The following PTH1R variants were observed in gnomAD, a reference collection of about 807,000 sequenced individuals.
PTH1R encodes parathyroid hormone/parathyroid hormone-related peptide receptor.
A neutral mutation model predicts 70.7 loss-of-function variants in PTH1R; 32 were observed. The observed-to-expected ratio is 0.45, with a 90% CI of 0.34 to 0.61. The LOEUF is 0.61. Ranked by LOEUF, PTH1R falls within the 20% of genes least tolerant of loss-of-function variation. The pLI, the probability that PTH1R is intolerant of heterozygous loss-of-function variation, is 0.01. For synonymous variants in PTH1R, 329 were observed against 324.8 expected, an observed-to-expected ratio of 1.01 and a Z score of -0.14; for missense variants, 626 against 792.5, an observed-to-expected ratio of 0.79 and a Z score of 2.52.
chr3:46,896,384 A>G lies in PTH1R; in HGVS notation c.313+515A>G, dbSNP rs2031758916. 6.6e-6 allele frequency among the ~76,000 whole-genome samples: 1 copy of G among 152,030 alleles called. No homozygotes were observed. Among genetic ancestry groups the G allele is most frequent in the African/African-American group, 2.4e-5 (1 of 41,398 alleles). On this transcript the variant is annotated intron_variant, in intron 5 of 15. Coordinates refer to ENST00000449590, the MANE Select transcript of PTH1R (RefSeq NM_000316.3). The surrounding 1 kb of genome is among the most constrained non-coding windows in gnomAD (Gnocchi z 4.1). Reference sequence around the variant, plus strand: ...CAGAAATAGAGAAGGAGAGGAGGGCAGTGGCAGAGGGTGGGGCCAGAGGCA... The same window carrying G: ...CAGAAATAGAGAAGGAGAGGAGGGCGGTGGCAGAGGGTGGGGCCAGAGGCA...
Position 46,898,738 on chromosome 3 carries a change from G to A in PTH1R, c.715G>A (p.Val239Ile), listed in dbSNP as rs1463837030. 2 of 1,610,432 alleles carry A rather than the reference G, an allele frequency of 1.2e-6. No homozygotes were observed. Among genetic ancestry groups the A allele is most frequent in the Non-Finnish European group, 1.7e-6 (2 of 1,179,502 alleles). The change falls in exon 9 of 16, where the codon GTC becomes ATC. Residue 239 changes from valine (V) to isoleucine (I), a missense_variant. Val to Ile is a conservative substitution (Grantham distance 29). Coordinates refer to ENST00000449590, the MANE Select transcript of PTH1R (RefSeq NM_000316.3). Reference sequence around the variant, plus strand: ...CATGCTGCGCGCCGTGAGCATCTTCGTCAAGGACGCTGTGCTCTACTCTGG... The same window carrying A: ...CATGCTGCGCGCCGTGAGCATCTTCATCAAGGACGCTGTGCTCTACTCTGG... ...SFMLRAVSIF[V>I]KDAVLYSGAT...
intron 3 of PTH1R, among the ~76,000 whole-genome samples, chr3:46,890,670 T>C (rs1374151263): frequency 6.6e-6 from 1 of 151,998 alleles, no homozygotes; most frequent in Non-Finnish European, 1.5e-5. Flanking sequence ...CCAGCTAATT[T>C]TGTATTTTTC....
chr3:46,901,564 G>A lies in PTH1R; in HGVS notation c.1116+84G>A. 2 of 1,495,972 alleles carry A rather than the reference G, an allele frequency of 1.3e-6. No homozygotes were observed. The highest frequency in any genetic ancestry group is 2.0e-5 in the Admixed American group (1 of 50,750). The allele number at this position is 1,495,972 out of a possible 1,614,324, so 92.7% of individuals were successfully genotyped here. On this transcript the variant is annotated intron_variant, in intron 12 of 15. Transcript: ENST00000449590. The surrounding 1 kb of genome is among the most constrained non-coding windows in gnomAD (Gnocchi z 7.3). ...GGAACCAGCCCCTGACAGGGACCTA[G>A]GAGGCTTCCCTGGACCCCAGTGTCA...
chr3:46,885,242 G>A (rs779363503), intron 3 of PTH1R, among the ~76,000 whole-genome samples: 1 of 152,122 alleles, frequency 6.6e-6, no homozygotes, highest in Non-Finnish European at 1.5e-5. Flanking sequence ...GTGAGTTCAC[G>A]TGTCTGAAGT....
rs1575524731 is a variant in PTH1R, at chr3:46,901,350, T to C, written c.1050-64T>C. On this transcript the variant is annotated intron_variant, in intron 11 of 15. Transcript: ENST00000449590. This position sits in a 1 kb window ranked among gnomAD's most constrained non-coding sequence, Gnocchi z 7.3. ...AATGTCAGACCAGACCAAATCTGGG[T>C]CTCTGTGGGCAGTCTTAGGATGGGA... 6 of 1,540,694 alleles carry C rather than the reference T, an allele frequency of 3.9e-6. No homozygotes were observed. The highest frequency in any genetic ancestry group is 4.4e-6 in the Non-Finnish European group (5 of 1,137,768).
chr3:46,899,473 G>T lies in PTH1R; in HGVS notation c.988+17G>T. ...TCGGCTGGGGTACGCGGGCACAGCG[G>T]GTAGCGAGGTGCCGGCAGGGGTGGG... On this transcript the variant is annotated intron_variant, in intron 10 of 15. Coordinates refer to ENST00000449590, the MANE Select transcript of PTH1R (RefSeq NM_000316.3). The T allele has an allele frequency of 1.9e-6, 3 of 1,606,026 alleles. No homozygotes were observed. The highest frequency in any genetic ancestry group is 2.6e-6 in the Non-Finnish European group (3 of 1,175,766).
At position 46,901,459 on chromosome 3, in the gene PTH1R, GC is replaced by G; in HGVS notation, c.1098del (p.Ile367SerfsTer139). ...SGNKKWIIQVPILASIVLNFI... is the reference protein window; with the variant it reads ...SGNKKWIIQVXILASIVLNFI... ...GGAACAAAAAGTGGATCATCCAGGT[GC>G]CCATCCTGGCCTCCATTGTGGTGAG... On this transcript the variant is annotated frameshift_variant, in exon 12 of 16. Transcript: ENST00000449590. LOFTEE classifies it high-confidence loss of function. This position sits in a 1 kb window ranked among gnomAD's most constrained non-coding sequence, Gnocchi z 7.3. 6.4e-7 allele frequency: 1 copy of G among 1,574,496 alleles called. No individual in the cohort carries two copies. The highest frequency in any genetic ancestry group is 8.6e-7 in the Non-Finnish European group (1 of 1,159,292).
In PTH1R at chr3:46,883,610, C is replaced by A; in HGVS notation, c.51C>A (p.Pro17=). The A allele has an allele frequency of 9.1e-6, 14 of 1,544,264 alleles. No homozygotes were observed. Among genetic ancestry groups the A allele is most frequent in the Non-Finnish European group, 1.2e-5 (14 of 1,146,758 alleles). ...GCCTGGCGCTCCTGCTCTGCTGCCC[C>A]GTGCTCAGCTCCGCGTACGCGCTGG... The part of the protein sequence containing the change: ...APGLALLLCC[P]VLSSAYALVD... Residue 17 remains proline (P), a synonymous_variant, in exon 3 of 16, where the codon CCC becomes CCA. Transcript: ENST00000449590. This position sits in a 1 kb window ranked among gnomAD's most constrained non-coding sequence, Gnocchi z 6.4.
intron 10 of PTH1R, among the ~76,000 whole-genome samples, chr3:46,899,822 T>G (rs911044218): frequency 2.6e-5 from 4 of 152,168 alleles, no homozygotes; most frequent in African/African-American, 9.7e-5. Flanking sequence ...CCCCATGGAC[T>G]AGGCCAGCAT....
At position 46,902,772 on chromosome 3, in the gene PTH1R, C is replaced by T. The variant is rs759663858; in HGVS notation, c.1377C>T (p.Tyr459=). Residue 459 remains tyrosine, a synonymous_variant, in exon 15 of 16, where the codon TAC becomes TAT. Transcript: ENST00000449590. This position sits in a 1 kb window ranked among gnomAD's most constrained non-coding sequence, Gnocchi z 5.4. ...AGGGATTTTTTGTCGCAATCATATA[C>T]TGTTTCTGCAATGGCGAGGTAAGCA... ...SFQGFFVAII[Y]CFCNGEVQAE... is the part of the protein sequence containing the mutation. 1.2e-6 allele frequency: 2 copies of T among 1,613,758 alleles called. No homozygotes were observed. Among genetic ancestry groups the T allele is most frequent in the African/African-American group, 2.7e-5 (2 of 74,898 alleles).
At chr3:46,881,436 G>A (rs898677789) in intron 2 of PTH1R, among the ~76,000 whole-genome samples, 16 of 152,186 alleles carry the variant, frequency 1.1e-4, no homozygotes, top group Non-Finnish European at 2.1e-4. Flanking sequence ...TAGCTTTTGG[G>A]AGTGGGGGTG....
intron 3 of PTH1R, among the ~76,000 whole-genome samples, chr3:46,889,942 G>A (rs537842257): frequency 6.6e-5 from 10 of 152,218 alleles, no homozygotes; most frequent in East Asian, 1.9e-4. Flanking sequence ...TTGGAGGGGC[G>A]GGGAGAAGGG....
At chr3:46,885,544 C>T (rs972729077) in intron 3 of PTH1R, among the ~76,000 whole-genome samples, 2 of 152,088 alleles carry the variant, frequency 1.3e-5, no homozygotes, top group African/African-American at 4.8e-5. Context: ...AGTATGGGTA[C>T]CCAGAGCCCC....
Position 46,883,802 on chromosome 3 carries a change from C to T in PTH1R, c.75+168C>T, listed in dbSNP as rs539245231. Among the ~76,000 whole-genome samples the T allele has an allele frequency of 1.2e-4, 18 of 152,220 alleles. No homozygotes were observed. The highest frequency in any genetic ancestry group is 1.9e-4 in the Non-Finnish European group (13 of 68,046). ...GCCTGCTGTCTCTGGGATGTCTGGA[C>T]TGTGGGTTCCAGCTGCCTGAAGCCT... On this transcript the variant is annotated intron_variant, in intron 3 of 15. Coordinates refer to ENST00000449590, the MANE Select transcript of PTH1R (RefSeq NM_000316.3). The surrounding 1 kb of genome is among the most constrained non-coding windows in gnomAD (Gnocchi z 6.4).
In PTH1R at chr3:46,903,189, G is replaced by A. The variant is rs546483183; in HGVS notation, c.1396-81G>A. 178 of 1,581,798 alleles carry A rather than the reference G, an allele frequency of 1.1e-4. 1 individual carries two copies. In the African/African-American group the frequency reaches 2.1e-3, roughly 19 times the overall value. ...AGTCCCCTATTCCCATTTTCATTCC[G>A]TGCTGGGTGTCCAGGGGCCGGGATG... On this transcript the variant is annotated intron_variant, in intron 15 of 15. Coordinates refer to ENST00000449590, the MANE Select transcript of PTH1R (RefSeq NM_000316.3). This position sits in a 1 kb window ranked among gnomAD's most constrained non-coding sequence, Gnocchi z 4.4.
chr3:46,891,097 T>A lies in PTH1R; in HGVS notation c.76-2810T>A, dbSNP rs1403772758. ...TTAACATGAGTTATTCTTGTTGCAATGGCTGTGCTAACAGATAAATAGGTC... is the reference window on the plus strand; with the variant it reads ...TTAACATGAGTTATTCTTGTTGCAAAGGCTGTGCTAACAGATAAATAGGTC... On this transcript the variant is annotated intron_variant, in intron 3 of 15. Transcript: ENST00000449590. The surrounding 1 kb of genome is among the most constrained non-coding windows in gnomAD (Gnocchi z 4.3). Among the ~76,000 whole-genome samples the A allele has an allele frequency of 6.6e-6, 1 of 152,250 alleles. No individual in the cohort carries two copies. Among genetic ancestry groups the A allele is most frequent in the Non-Finnish European group, 1.5e-5 (1 of 68,040 alleles).
intron 3 of PTH1R, among the ~76,000 whole-genome samples, chr3:46,888,849 C>G (rs528963227): frequency 4.7e-4 from 72 of 152,350 alleles, no homozygotes; most frequent in Admixed American, 3.3e-3. Context: ...CTGCCTGCCC[C>G]GAAGGCGGCC....
Position 46,895,781 on chromosome 3 carries a change from AGGGAAGCCCAGGAAAGATAAGGCATCT to A in PTH1R, c.233_259del (p.Pro78_Lys86del). 6.2e-7 allele frequency: 1 copy of A among 1,614,192 alleles called. No individual in the cohort carries two copies. Among genetic ancestry groups the A allele is most frequent in the South Asian group, 1.1e-5 (1 of 91,082 alleles). ...AGGGATGGACATCTGCGTCCACATC[AGGGAAGCCCAGGAAAGATAAGGCATCT>A]GGGAAGCTCTACCCTGAGTCTGAGG... On this transcript the variant is annotated inframe_deletion, in exon 5 of 16. Coordinates refer to ENST00000449590, the MANE Select transcript of PTH1R (RefSeq NM_000316.3).
In PTH1R at chr3:46,884,963, GC is replaced by G. The variant is rs1450817347; in HGVS notation, c.75+1333del. On this transcript the variant is annotated intron_variant, in intron 3 of 15. Coordinates refer to ENST00000449590, the MANE Select transcript of PTH1R (RefSeq NM_000316.3). The surrounding 1 kb of genome is among the most constrained non-coding windows in gnomAD (Gnocchi z 4.8). ...CAGCAAAGGCTCCCCACCAAAGACA[GC>G]CCCATACAAGGCCTTGTGGATGGGG... Among the ~76,000 whole-genome samples the G allele has an allele frequency of 6.6e-6, 1 of 152,158 alleles. No individual in the cohort carries two copies. The highest frequency in any genetic ancestry group is 1.5e-5 in the Non-Finnish European group (1 of 68,042).
Sources: gnomAD v4.1 joint callset for allele counts (sites outside exome capture counted in the v4.1 genomes callset) on GRCh38, gnomAD v4.1.1 for gene constraint, Gnocchi (gnomAD v3.1) non-coding constraint, MANE v1.5 for transcripts, NCBI Gene and HGNC (gene_info 2026-07-23, HGNC 2026-07-21) for gene names.